PDGFD: variants seen among roughly 807,000 people sequenced by gnomAD.
The protein encoded by PDGFD is platelet-derived growth factor D.
PDGFD carries 30 observed loss-of-function variants against 44.7 expected under a neutral mutation model. The ratio of observed to expected loss-of-function variants is 0.67; its 90% CI spans 0.50 to 0.91. PDGFD has a LOEUF of 0.91. PDGFD is among the 40% of genes least tolerant of loss of function. The probability of loss-of-function intolerance (pLI) is 0.00; values close to 1 mark genes in which losing one functional copy is unlikely to be tolerated. For synonymous variants in PDGFD, 173 were observed against 168.4 expected, an observed-to-expected ratio of 1.03 and a Z score of -0.21; for missense variants, 445 against 457.8, an observed-to-expected ratio of 0.97 and a Z score of 0.25.
chr11:103,933,595 C>T (rs1399958955), intron 5 of PDGFD, among the ~76,000 whole-genome samples: 1 of 152,148 alleles, frequency 6.6e-6, no homozygotes, highest in Non-Finnish European at 1.5e-5. Flanking sequence ...TCAGACAATT[C>T]CTGATTTTCA....
chr11:104,073,287 G>A (rs969288036), intron 1 of PDGFD, among the ~76,000 whole-genome samples: 2 of 152,052 alleles, frequency 1.3e-5, no homozygotes, highest in African/African-American at 4.8e-5. Context: ...TGTAATAATT[G>A]CAATTTAAAA....
chr11:103,912,532 ATTGT>A (rs1858044798), intron 6 of PDGFD, among the ~76,000 whole-genome samples: 1 of 152,198 alleles, frequency 6.6e-6, no homozygotes, highest in Non-Finnish European at 1.5e-5. Context: ...AACATCCCAA[ATTGT>A]AAAGACCATT....
intron 3 of PDGFD, among the ~76,000 whole-genome samples, chr11:103,993,742 T>C (rs1171165374): frequency 2.0e-5 from 3 of 152,198 alleles, no homozygotes; most frequent in Non-Finnish European, 4.4e-5. Flanking sequence ...CTAGAGTCTC[T>C]ACATACCTGG....
chr11:103,960,591 T>C (rs2134336634), intron 3 of PDGFD, among the ~76,000 whole-genome samples: 1 of 152,318 alleles, frequency 6.6e-6, no homozygotes, highest in South Asian at 2.1e-4. Context: ...ATGTGTTGTC[T>C]AGATTAATTC....
At chr11:103,951,429 ATC>A (rs1858755110) in intron 3 of PDGFD, among the ~76,000 whole-genome samples, 1 of 152,168 alleles carries the variant, frequency 6.6e-6, no homozygotes, top group African/African-American at 2.4e-5. Flanking sequence ...GGTCAGAATT[ATC>A]TCTTTTAATG....
At chr11:104,009,003 C>T (rs1859743246) in intron 1 of PDGFD, among the ~76,000 whole-genome samples, 1 of 152,032 alleles carries the variant, frequency 6.6e-6, no homozygotes, top group East Asian at 1.9e-4. Context: ...AAATATTTCA[C>T]TTCTAAGAAA....
intron 3 of PDGFD, among the ~76,000 whole-genome samples, chr11:103,992,319 CCA>C (rs1317501749): frequency 1.3e-5 from 2 of 152,002 alleles, no homozygotes; most frequent in East Asian, 3.9e-4. Flanking sequence ...GATACACATC[CCA>C]ACTTCAACAA....
At chr11:104,014,112 CAT>C (rs1442657946) in intron 1 of PDGFD, among the ~76,000 whole-genome samples, 4 of 152,120 alleles carry the variant, frequency 2.6e-5, no homozygotes, top group Non-Finnish European at 1.5e-5. Context: ...GGCCCAGAAA[CAT>C]AGAGACAGAA....
chr11:104,037,410 G>C (rs1860266858), intron 1 of PDGFD: 1 of 1,614,134 alleles, frequency 6.2e-7, no homozygotes, highest in Non-Finnish European at 8.5e-7. Flanking sequence ...GAGAGCAAGA[G>C]AGGCTTCGTC....
chr11:104,048,720 C>T (rs1284266120), intron 1 of PDGFD, among the ~76,000 whole-genome samples: 1 of 152,130 alleles, frequency 6.6e-6, no homozygotes. Flanking sequence ...TCGTGGTATG[C>T]CATTCATTTT....
At chr11:103,915,859 T>C (rs939815308) in intron 6 of PDGFD, among the ~76,000 whole-genome samples, 3 of 152,168 alleles carry the variant, frequency 2.0e-5, no homozygotes, top group Admixed American at 1.3e-4. Flanking sequence ...CCCTATTTAA[T>C]AAATGGTGTT....
chr11:103,920,572 G>T (rs561765523), intron 6 of PDGFD, among the ~76,000 whole-genome samples: 218 of 152,328 alleles, frequency 1.4e-3, no homozygotes, highest in Non-Finnish European at 1.7e-3. Flanking sequence ...AAGGGAGAAG[G>T]TGTGCAGTTT....
At chr11:104,090,491 CGGT>C (rs1474399020) in intron 1 of PDGFD, among the ~76,000 whole-genome samples, 1 of 150,554 alleles carries the variant, frequency 6.6e-6, no homozygotes, top group African/African-American at 2.4e-5. Context: ...CAGCCAGGTG[CGGT>C]GGTGGGTGCC....
chr11:104,076,511 T>C (rs544506147), intron 1 of PDGFD, among the ~76,000 whole-genome samples: 1 of 152,364 alleles, frequency 6.6e-6, no homozygotes, highest in South Asian at 2.1e-4. Context: ...ATTTCAGTTC[T>C]AATTTATCTT....
At chr11:103,972,591 A>C (rs759935287) in intron 3 of PDGFD, among the ~76,000 whole-genome samples, 85 of 152,168 alleles carry the variant, frequency 5.6e-4, no homozygotes, top group Non-Finnish European at 1.0e-3. Flanking sequence ...GAGCTTCAAC[A>C]AGAAACATAG....
At chr11:104,069,792 G>A (rs1428863221) in intron 1 of PDGFD, among the ~76,000 whole-genome samples, 3 of 152,298 alleles carry the variant, frequency 2.0e-5, no homozygotes, top group South Asian at 2.1e-4. Context: ...CCCGGGAGGC[G>A]GAGCTTGCAG....
At chr11:104,077,912 A>T (rs1185777427) in intron 1 of PDGFD, among the ~76,000 whole-genome samples, 2 of 152,238 alleles carry the variant, frequency 1.3e-5, no homozygotes, top group Admixed American at 1.3e-4. Context: ...TGAAGGGGAA[A>T]ATGTACAGAC....
intron 6 of PDGFD, among the ~76,000 whole-genome samples, 181 bp from the exon 7 acceptor site, chr11:103,910,000 A>G (rs1202794474): frequency 6.6e-6 from 1 of 152,058 alleles, no homozygotes; most frequent in Non-Finnish European, 1.5e-5. Context: ...CAAATAATTG[A>G]CTCCCTGAAG....
intron 1 of PDGFD, among the ~76,000 whole-genome samples, chr11:104,059,566 T>A (rs1257346596): frequency 6.6e-6 from 1 of 152,210 alleles, no homozygotes; most frequent in African/African-American, 2.4e-5. Flanking sequence ...CAACTCTAAT[T>A]AATTTATTGA....
Sources: gnomAD v4.1 joint callset for allele counts (sites outside exome capture counted in the v4.1 genomes callset) on GRCh38, gnomAD v4.1.1 for gene constraint, MANE v1.5 for transcripts, NCBI Gene and HGNC (gene_info 2026-07-23, HGNC 2026-07-21) for gene names.